The following SLC44A5 variants were observed in gnomAD, a reference collection of about 807,000 sequenced individuals.
The protein encoded by SLC44A5 is solute carrier family 44 member 5.
SLC44A5 carries 57 observed loss-of-function variants against 101.8 expected under a neutral mutation model. That is an observed-to-expected ratio of 0.56 (90% CI 0.45 to 0.70). The LOEUF (loss-of-function observed/expected upper bound fraction) is 0.70, where lower values mean the gene tolerates loss of function less well. Ranked by LOEUF, SLC44A5 falls within the 30% of genes least tolerant of loss-of-function variation. The pLI is 0.00. For missense variants in SLC44A5, 737 were observed against 853.1 expected (o/e 0.86, Z 1.70); for synonymous variants, 281 against 290.9 (o/e 0.97, Z 0.35).
intron 2 of SLC44A5, among the ~76,000 whole-genome samples, chr1:75,475,590 A>G (rs959547499): frequency 6.6e-6 from 1 of 152,036 alleles, no homozygotes; most frequent in South Asian, 2.1e-4. Context: ...TTTCATTCCC[A>G]TTTCCCACTA....
At chr1:75,689,671 G>A in the SLC44A5 span, among the ~76,000 whole-genome samples, 1 of 152,174 alleles carries the variant, frequency 6.6e-6, no homozygotes, top group Admixed American at 6.5e-5. Context: ...TAATTGAACT[G>A]CAAGTTTGAA....
At chr1:75,337,600 A>G (rs968960413) in intron 4 of SLC44A5, among the ~76,000 whole-genome samples, 1 of 152,148 alleles carries the variant, frequency 6.6e-6, no homozygotes, top group Admixed American at 6.5e-5. Context: ...CTGAAGATCT[A>G]TTTTGTGAAA....
chr1:75,431,470 T>G (rs1319042554), intron 2 of SLC44A5, among the ~76,000 whole-genome samples: 2 of 152,222 alleles, frequency 1.3e-5, no homozygotes, highest in East Asian at 3.8e-4. Context: ...ATTTCAATAT[T>G]GTTTAAAAAT....
At chr1:75,446,807 A>T (rs1665609100) in intron 2 of SLC44A5, among the ~76,000 whole-genome samples, 1 of 152,166 alleles carries the variant, frequency 6.6e-6, no homozygotes, top group Non-Finnish European at 1.5e-5. Context: ...TTATTAACAT[A>T]TGGATCCTGT....
At chr1:75,337,434 G>C (rs1407205359) in intron 4 of SLC44A5, among the ~76,000 whole-genome samples, 1 of 152,158 alleles carries the variant, frequency 6.6e-6, no homozygotes, top group Non-Finnish European at 1.5e-5. Flanking sequence ...ATTATGAGAT[G>C]AATTTCTCAT....
chr1:75,352,182 CTTT>C (rs1658727548), intron 3 of SLC44A5, among the ~76,000 whole-genome samples: 1 of 152,012 alleles, frequency 6.6e-6, no homozygotes, highest in Non-Finnish European at 1.5e-5. Context: ...ATGTTGTCTT[CTTT>C]GTCTCTTTTT....
chr1:75,396,718 T>A, intron 2 of SLC44A5, 97 bp from the exon 3 acceptor site: 1 of 923,006 alleles, frequency 1.1e-6, no homozygotes, highest in Non-Finnish European at 1.8e-6. Context: ...ATCTTAGTCT[T>A]TAGACTAACA....
Position 75,260,403 on chromosome 1 carries a change from G to A in SLC44A5, c.261-9109C>T, listed in dbSNP as rs560575774. On this transcript the variant is annotated intron_variant, in intron 6 of 23. Coordinates refer to ENST00000370859, the MANE Select transcript of SLC44A5 (RefSeq NM_001130058.2). ...GTCTCTGATAAAACAGACTTTAAAC[G>A]AACAAAGATCAAAAGAGACAAAGAA... is the stretch of plus-strand genomic sequence containing the variant. Among the ~76,000 whole-genome samples, 5 of 152,014 alleles carry A rather than the reference G, an allele frequency of 3.3e-5. No homozygotes were observed. The East Asian group carries it at 9.7e-4, about 29-fold the overall frequency.
intron 2 of SLC44A5, among the ~76,000 whole-genome samples, chr1:75,450,866 T>C (rs142211738): frequency 2.1e-4 from 32 of 152,158 alleles, no homozygotes; most frequent in African/African-American, 6.7e-4. Context: ...GAACTCCAGG[T>C]ATTTGGGGCA....
At chr1:75,246,509 C>T (rs1321865201) in intron 7 of SLC44A5, among the ~76,000 whole-genome samples, 2 of 151,946 alleles carry the variant, frequency 1.3e-5, no homozygotes, top group Non-Finnish European at 2.9e-5. Flanking sequence ...AAATCCTTGC[C>T]CTCAAGCAAT....
intron 2 of SLC44A5, among the ~76,000 whole-genome samples, chr1:75,427,299 G>C (rs976617956): frequency 1.3e-5 from 2 of 152,154 alleles, no homozygotes; most frequent in Admixed American, 1.3e-4. Flanking sequence ...ATTGCATTTT[G>C]ATTTCTATAA....
intron 7 of SLC44A5, among the ~76,000 whole-genome samples, chr1:75,243,280 G>A (rs1293342088): frequency 6.6e-6 from 1 of 151,886 alleles, no homozygotes; most frequent in Non-Finnish European, 1.5e-5. Flanking sequence ...GAGACTACAG[G>A]CAAACACCAC....
chr1:75,569,682 C>T (rs1672972730), intron 1 of SLC44A5, among the ~76,000 whole-genome samples: 1 of 152,088 alleles, frequency 6.6e-6, no homozygotes, highest in Admixed American at 6.5e-5. Context: ...GGTAAATGCT[C>T]AAAATAATAT....
At chr1:75,310,851 T>C (rs1351414063) in intron 4 of SLC44A5, among the ~76,000 whole-genome samples, 1 of 152,124 alleles carries the variant, frequency 6.6e-6, no homozygotes, top group Non-Finnish European at 1.5e-5. Flanking sequence ...AAATAGCAAG[T>C]AGTTAGATTT....
chr1:75,480,093 T>C (rs1667737559), intron 2 of SLC44A5, among the ~76,000 whole-genome samples: 1 of 152,208 alleles, frequency 6.6e-6, no homozygotes, highest in South Asian at 2.1e-4. Flanking sequence ...CAAGGCTGGT[T>C]CAATATATGC....
rs567543541 is a variant in SLC44A5 at position 75,521,359 on chromosome 1, C to T, written c.13+20076G>A. The stretch of plus-strand genomic sequence containing the variant: ...GAAGTGCAGACAGCACAGAGGTAGG[C>T]GTCAAGGATCTTCTGTCATTCTTAA... On this transcript the variant is annotated intron_variant, in intron 2 of 23. Coordinates refer to ENST00000370859, the MANE Select transcript of SLC44A5 (RefSeq NM_001130058.2). Among the ~76,000 whole-genome samples, 10 of 152,198 alleles carry T rather than the reference C, an allele frequency of 6.6e-5. No individual in the cohort carries two copies. In the East Asian group the frequency reaches 1.4e-3, roughly 21 times the overall value.
At chr1:75,608,615 T>C (rs1259321510) in intron 1 of SLC44A5, among the ~76,000 whole-genome samples, 1 of 152,056 alleles carries the variant, frequency 6.6e-6, no homozygotes, top group Non-Finnish European at 1.5e-5. Context: ...TAATATAATT[T>C]AGTCTTCCCT....
intron 4 of SLC44A5, among the ~76,000 whole-genome samples, chr1:75,336,719 C>T (rs1294530364): frequency 5.3e-5 from 8 of 152,112 alleles, no homozygotes. Context: ...GAGAGATAAA[C>T]AGAATAGGCT....
At chr1:75,416,180 C>A (rs993887522) in intron 2 of SLC44A5, among the ~76,000 whole-genome samples, 3 of 152,148 alleles carry the variant, frequency 2.0e-5, no homozygotes, top group African/African-American at 7.2e-5. Context: ...AAAGTTGTTT[C>A]ATGGGCTACA....
Sources: gnomAD v4.1 joint callset for allele counts (sites outside exome capture counted in the v4.1 genomes callset) on GRCh38, gnomAD v4.1.1 for gene constraint, MANE v1.5 for transcripts, NCBI Gene and HGNC (gene_info 2026-07-23, HGNC 2026-07-21) for gene names.